RORA: variants seen among roughly 807,000 people sequenced by gnomAD.
RORA encodes the protein nuclear receptor ROR-alpha.
A neutral mutation model predicts 69.5 loss-of-function variants in RORA; 7 were observed. The observed-to-expected ratio is 0.10, with a 90% CI of 0.06 to 0.19. The LOEUF is 0.19. Among genes scored for constraint, RORA ranks in the 10% least tolerant of loss-of-function variants. The pLI is 1.00. For missense variants in RORA, 457 were observed against 663.0 expected (o/e 0.69, Z 3.41); for synonymous variants, 261 against 240.8 (o/e 1.08, Z -0.78).
intron 1 of RORA, among the ~76,000 whole-genome samples, chr15:60,734,930 T>C (rs2071478605): frequency 6.6e-6 from 1 of 152,230 alleles, no homozygotes; most frequent in African/African-American, 2.4e-5. Flanking sequence ...TATCTGCTAT[T>C]TGCACTCAGA....
intron 2 of RORA, among the ~76,000 whole-genome samples, chr15:60,562,266 G>T (rs2067584579): frequency 6.6e-6 from 1 of 152,088 alleles, no homozygotes; most frequent in Non-Finnish European, 1.5e-5. Context: ...GACAGAGTCT[G>T]ACTCTGTCAC....
At chr15:60,979,839 C>CT (rs1893988293) in intron 1 of RORA, among the ~76,000 whole-genome samples, 1 of 152,138 alleles carries the variant, frequency 6.6e-6, no homozygotes, top group Non-Finnish European at 1.5e-5. Context: ...TGGATTCTCT[C>CT]TTTCTCTCTT....
chr15:60,977,589 C>A (rs1893912918), intron 1 of RORA, among the ~76,000 whole-genome samples: 1 of 152,032 alleles, frequency 6.6e-6, no homozygotes, highest in African/African-American at 2.4e-5. Flanking sequence ...CAAAAAGAAA[C>A]CCCATAGCTG....
chr15:61,114,217 T>C (rs58743178), intron 1 of RORA, among the ~76,000 whole-genome samples: 1 of 152,106 alleles, frequency 6.6e-6, no homozygotes, highest in Non-Finnish European at 1.5e-5. Context: ...GCCTATCCAA[T>C]GTCATCTCAT....
intron 1 of RORA, among the ~76,000 whole-genome samples, chr15:60,776,077 C>T (rs897639472): frequency 2.0e-5 from 3 of 152,304 alleles, no homozygotes; most frequent in African/African-American, 4.8e-5. Flanking sequence ...GAACCTGAAA[C>T]TTTGTTGAAG....
chr15:60,884,174 A>G (rs2073724779), intron 1 of RORA, among the ~76,000 whole-genome samples: 1 of 152,082 alleles, frequency 6.6e-6, no homozygotes, highest in Admixed American at 6.5e-5. Flanking sequence ...TCAAAATAGA[A>G]CAGAAAAAAA....
rs1367817152 is a variant in RORA at position 60,499,936 on chromosome 15, G to T, written c.1363C>A (p.His455Asn). 1 of 1,612,730 alleles carries T rather than the reference G, an allele frequency of 6.2e-7. No individual in the cohort carries two copies. The highest frequency in any genetic ancestry group is 1.3e-5 in the African/African-American group (1 of 74,900). Residue 455 changes from histidine (H) to asparagine (N), a missense_variant, in exon 10 of 11, where the codon CAC becomes AAC. Transcript: ENST00000335670. The stretch of plus-strand genomic sequence containing the variant: ...TCTCGGTGATTCTTCTGTAGGACGT[G>T]TTGAAGAGCTAGCTGAATTTTCTGT... ...LQQKIQLALQHVLQKNHREDG... is the reference protein window; with the variant it reads ...LQQKIQLALQNVLQKNHREDG...
chr15:61,102,606 G>C (rs889606961), intron 1 of RORA, among the ~76,000 whole-genome samples: 1 of 152,300 alleles, frequency 6.6e-6, no homozygotes, highest in Admixed American at 6.5e-5. Context: ...TCTTGCTGGA[G>C]AACTGATCCA....
chr15:60,733,909 AG>A (rs1349327313), intron 1 of RORA, among the ~76,000 whole-genome samples: 2 of 128,656 alleles, frequency 1.6e-5, no homozygotes, highest in African/African-American at 5.8e-5. Flanking sequence ...CGGTTAGAAT[AG>A]GGGCAGAGAG....
intron 1 of RORA, among the ~76,000 whole-genome samples, chr15:61,103,957 A>G (rs1357147039): frequency 1.3e-5 from 2 of 152,178 alleles, no homozygotes; most frequent in African/African-American, 4.8e-5. Flanking sequence ...TGATGTTCAC[A>G]CTTGGCCAAT....
chr15:61,181,429 C>A (rs1251640994), intron 1 of RORA: 1 of 151,770 alleles, frequency 6.6e-6, no homozygotes, highest in Non-Finnish European at 1.5e-5. Flanking sequence ...ATAAATTAAA[C>A]CAAGGTAAAA....
chr15:60,686,868 A>G (rs745725758), intron 1 of RORA: 2 of 152,254 alleles, frequency 1.3e-5, no homozygotes, highest in Non-Finnish European at 2.9e-5. Flanking sequence ...GTCAGACACT[A>G]TGGGAAGTTT....
At chr15:60,502,464 C>G (rs77627071) in intron 8 of RORA, among the ~76,000 whole-genome samples, 2,108 of 152,180 alleles carry the variant, frequency 0.014, 41 homozygotes, top group African/African-American at 0.047. Context: ...TAATATATCA[C>G]CAGCAAATCT....
At position 60,606,037 on chromosome 15, in the gene RORA, C is replaced by T. The variant is rs146478608; in HGVS notation, c.196+72620G>A. Among the ~76,000 whole-genome samples, 689 of 152,312 alleles carry T rather than the reference C, an allele frequency of 4.5e-3. 4 individuals are homozygous for T. Among genetic ancestry groups the T allele is most frequent in the African/African-American group, 0.015 (641 of 41,556 alleles). On this transcript the variant is annotated intron_variant, in intron 2 of 10. Transcript: ENST00000335670. ...GACACCACTTCTCCAGATTTCTTCC[C>T]AGAACACGAAATATTTGGGATCGTT... is the stretch of plus-strand genomic sequence containing the variant.
intron 1 of RORA, among the ~76,000 whole-genome samples, chr15:60,691,240 C>G (rs1351030441): frequency 6.6e-6 from 1 of 152,160 alleles, no homozygotes; most frequent in Non-Finnish European, 1.5e-5. Flanking sequence ...GGCTTATCCA[C>G]ATTCGCTCTC....
chr15:61,158,626 C>T (rs1293298527), intron 1 of RORA, among the ~76,000 whole-genome samples: 4 of 152,112 alleles, frequency 2.6e-5, no homozygotes, highest in African/African-American at 4.8e-5. Context: ...ACTGCTCATC[C>T]GCTCCCCCGA....
chr15:60,718,065 A>G (rs182542831), intron 1 of RORA, among the ~76,000 whole-genome samples: 2 of 152,214 alleles, frequency 1.3e-5, no homozygotes, highest in African/African-American at 4.8e-5. Context: ...TCGCACTGGG[A>G]TTACAGGCAC....
chr15:60,798,959 A>T (rs2072540581), intron 1 of RORA, among the ~76,000 whole-genome samples: 1 of 150,142 alleles, frequency 6.7e-6, no homozygotes, highest in East Asian at 2.0e-4. Context: ...TTTAAACTCA[A>T]GGACAGTGTA....
At chr15:60,888,921 G>C (rs2073781414) in intron 1 of RORA, among the ~76,000 whole-genome samples, 1 of 151,888 alleles carries the variant, frequency 6.6e-6, no homozygotes, top group South Asian at 2.1e-4. Flanking sequence ...AGGAGTGGGA[G>C]GGTGGGTGGG....
Sources: allele counts gnomAD v4.1 joint callset (sites outside exome capture counted in the v4.1 genomes callset), GRCh38; gene constraint gnomAD v4.1.1; transcripts MANE v1.5; gene names NCBI Gene and HGNC (gene_info 2026-07-23, HGNC 2026-07-21).